DNAH5: variants seen among roughly 807,000 people sequenced by gnomAD.
The protein encoded by DNAH5 is axonemal beta dynein heavy chain 5.
In DNAH5, 372 loss-of-function variants were observed where a neutral mutation model predicts 518.2. That is an observed-to-expected ratio of 0.72 (90% confidence interval 0.66 to 0.78). DNAH5 has a LOEUF of 0.78. Ranked by LOEUF, DNAH5 falls within the 30% of genes least tolerant of loss-of-function variation. The pLI is 0.00. For missense variants in DNAH5, 5,523 were observed against 5,687.0 expected (o/e 0.97, Z 0.93); for synonymous variants, 2,039 against 2,025.9 (o/e 1.01, Z -0.17).
intron 30 of DNAH5, among the ~76,000 whole-genome samples, chr5:13,852,714 G>GT (rs1277234391): frequency 6.7e-6 from 1 of 149,454 alleles, no homozygotes; most frequent in Non-Finnish European, 1.5e-5. Context: ...TGAGGCTTGA[G>GT]TAGGCGGTTT....
In DNAH5 at chr5:13,837,834, G is replaced by A. The variant is rs560569884; in HGVS notation, c.5882+1522C>T. On this transcript the variant is annotated intron_variant, in intron 35 of 78. Coordinates refer to ENST00000265104, the MANE Select transcript of DNAH5 (RefSeq NM_001369.3). ...TCCTGCCTCAGCCTCCCGAGTAGCCGGGACTATGGCCACGTGCCACCATGC... is the reference window on the plus strand; with the variant it reads ...TCCTGCCTCAGCCTCCCGAGTAGCCAGGACTATGGCCACGTGCCACCATGC... 2.2e-4 allele frequency among the ~76,000 whole-genome samples: 33 copies of A among 151,486 alleles called. 1 individual carries two copies. The highest frequency in any genetic ancestry group is 8.4e-4 in the South Asian group (4 of 4,772).
chr5:13,990,067 C>T (rs1414154377), intron 1 of DNAH5, among the ~76,000 whole-genome samples: 7 of 151,754 alleles, frequency 4.6e-5, no homozygotes, highest in Non-Finnish European at 8.8e-5. Context: ...GTGGTGGAGC[C>T]GATTCAGACC....
At chr5:13,948,330 A>G (rs558434381), upstream of DNAH5, among the ~76,000 whole-genome samples, 5 of 152,316 alleles carry the variant, frequency 3.3e-5, no homozygotes, top group South Asian at 8.3e-4. Context: ...AAGAGCTTCA[A>G]TTAAAATAAA....
chr5:13,750,807 T>C (rs925399912), intron 65 of DNAH5, among the ~76,000 whole-genome samples: 5 of 152,154 alleles, frequency 3.3e-5, no homozygotes, highest in Non-Finnish European at 7.3e-5. Context: ...ATGCTGAAAA[T>C]GAGACTGATT....
intron 1 of DNAH5, among the ~76,000 whole-genome samples, chr5:13,999,431 C>T (rs1195830859): frequency 6.6e-6 from 1 of 152,200 alleles, no homozygotes; most frequent in Admixed American, 6.5e-5. Flanking sequence ...ATTTTAGATA[C>T]CTCATCTAAG....
intron 24 of DNAH5, among the ~76,000 whole-genome samples, chr5:13,869,134 C>A (rs1769711898): frequency 6.6e-6 from 1 of 152,098 alleles, no homozygotes; most frequent in Non-Finnish European, 1.5e-5. Context: ...ACCATGTGAT[C>A]CCCCTGGCCC....
intron 75 of DNAH5, among the ~76,000 whole-genome samples, chr5:13,708,659 G>A (rs1743113685): frequency 6.6e-6 from 1 of 152,110 alleles, no homozygotes; most frequent in South Asian, 2.1e-4. Flanking sequence ...CTGAGAATCC[G>A]AGCTCTTTCA....
chr5:13,756,779 G>A (rs185448974), intron 61 of DNAH5, among the ~76,000 whole-genome samples: 26 of 152,284 alleles, frequency 1.7e-4, no homozygotes, highest in Admixed American at 9.8e-4. Flanking sequence ...ATGGGGGTTT[G>A]TTGTGAAGAT....
chr5:13,709,072 C>A (rs1743168938), intron 75 of DNAH5, among the ~76,000 whole-genome samples: 2 of 152,160 alleles, frequency 1.3e-5, no homozygotes, highest in Non-Finnish European at 2.9e-5. Flanking sequence ...AAGCTGATAA[C>A]AGTATTGATT....
At chr5:13,917,789 G>A (rs988627756) in intron 7 of DNAH5, among the ~76,000 whole-genome samples, 1 of 152,198 alleles carries the variant, frequency 6.6e-6, no homozygotes, top group Non-Finnish European at 1.5e-5. Flanking sequence ...TTGACTTCAC[G>A]GAAGTCTGAC....
At chr5:13,785,297 T>G (rs1332880254) in intron 52 of DNAH5, among the ~76,000 whole-genome samples, 1 of 152,064 alleles carries the variant, frequency 6.6e-6, no homozygotes, top group Admixed American at 6.6e-5. Flanking sequence ...TGGCTTTGCA[T>G]GTTCACCTGC....
chr5:13,766,215 T>C (rs970830903), intron 58 of DNAH5, 36 bp from the exon 59 acceptor site: 45 of 1,610,322 alleles, frequency 2.8e-5, no homozygotes, highest in African/African-American at 9.4e-5. Flanking sequence ...CAACCACAGA[T>C]AGGAAAGCAC....
At chr5:13,761,640 G>A (rs1751802346) in intron 60 of DNAH5, among the ~76,000 whole-genome samples, 1 of 150,746 alleles carries the variant, frequency 6.6e-6, no homozygotes, top group Non-Finnish European at 1.5e-5. Flanking sequence ...GGAAAAGTAT[G>A]CAAAGAATGA....
At position 13,916,453 on chromosome 5, in the gene DNAH5, T is replaced by TATCTTTC; in HGVS notation, c.1091_1092insGAAAGAT (p.Ser365LysfsTer16). 1 of 1,523,018 alleles carries TATCTTTC rather than the reference T, an allele frequency of 6.6e-7. No homozygotes were observed. Among genetic ancestry groups the TATCTTTC allele is most frequent in the Non-Finnish European group, 9.1e-7 (1 of 1,099,984 alleles). The allele number at this position is 1,523,018 out of a possible 1,614,324, so 94.3% of individuals were successfully genotyped here. A position where few individuals can be genotyped will look rare whatever the true frequency, so the allele number is the denominator to read the frequency against. On this transcript the variant is annotated frameshift_variant and splice_region_variant, in exon 9 of 79. Coordinates refer to ENST00000265104, the MANE Select transcript of DNAH5 (RefSeq NM_001369.3). LOFTEE classifies it high-confidence loss of function. ...GTGTAGGAATAGCATCCATCATGGA[T>TATCTTTC]AGCTGAAAGATATCACCAAAGTTTT...
intron 47 of DNAH5, among the ~76,000 whole-genome samples, chr5:13,801,724 T>A (rs1156536584): frequency 6.6e-6 from 1 of 152,138 alleles, no homozygotes; most frequent in Non-Finnish European, 1.5e-5. Flanking sequence ...TCCAGGGGGT[T>A]CCTCGTCAGT....
intron 35 of DNAH5, 128 bp downstream of exon 35, chr5:13,839,228 C>A (rs969960481): frequency 2.4e-6 from 2 of 817,174 alleles, no homozygotes; most frequent in East Asian, 2.5e-5. Context: ...GATAATAAAG[C>A]TAAAAATACT....
At position 13,890,311 on chromosome 5, in the gene DNAH5, G is replaced by A. The variant is rs368790864; in HGVS notation, c.2577+665C>T. Among the ~76,000 whole-genome samples the A allele has an allele frequency of 1.6e-3, 250 of 151,878 alleles. 2 individuals are homozygous for A. The highest frequency in any genetic ancestry group is 5.7e-3 in the African/African-American group (238 of 41,402). ...AGTCCCAGCTACTCGGGAAGCTGAG[G>A]CAGGAGAATTGCTTCAACCGGGGAG... On this transcript the variant is annotated intron_variant, in intron 17 of 78. Coordinates refer to ENST00000265104, the MANE Select transcript of DNAH5 (RefSeq NM_001369.3).
chr5:13,838,031 T>C (rs1237756747), intron 35 of DNAH5, among the ~76,000 whole-genome samples: 3 of 152,188 alleles, frequency 2.0e-5, no homozygotes, highest in Non-Finnish European at 4.4e-5. Flanking sequence ...TTATTTCTAA[T>C]GGGCAAATCG....
intron 45 of DNAH5, 138 bp from the exon 46 acceptor site, chr5:13,809,324 T>G (rs1760218311): frequency 1.9e-6 from 2 of 1,070,684 alleles, no homozygotes; most frequent in Non-Finnish European, 2.8e-6. Context: ...ATTAGAGATC[T>G]AAGTACACAA....
Sources: allele counts gnomAD v4.1 joint callset (sites outside exome capture counted in the v4.1 genomes callset), GRCh38; gene constraint gnomAD v4.1.1; transcripts MANE v1.5; gene names NCBI Gene and HGNC (gene_info 2026-07-23, HGNC 2026-07-21).